The following SETDB2 variants were observed in gnomAD, a reference collection of about 807,000 sequenced individuals.
SETDB2 encodes SET domain bifurcated histone lysine methyltransferase 2, also known as histone-lysine N-methyltransferase SETDB2.
In SETDB2, 56 loss-of-function variants were observed where a neutral mutation model predicts 82.5. That is an observed-to-expected ratio of 0.68 (90% CI 0.55 to 0.85). The LOEUF (loss-of-function observed/expected upper bound fraction) is 0.85. SETDB2 is among the 40% of genes least tolerant of loss of function. The pLI is 0.00. For synonymous variants in SETDB2, 272 were observed against 284.9 expected (o/e 0.95, Z 0.46); for missense variants, 677 against 816.4 (o/e 0.83, Z 2.08).
rs1035213385 is a variant in SETDB2 at position 49,444,776 on chromosome 13, G to T, written c.-423G>T. The T allele has an allele frequency of 3.3e-5, 5 of 152,442 alleles. No homozygotes were observed. The highest frequency in any genetic ancestry group is 1.2e-4 in the African/African-American group (5 of 41,434). 9.4% of individuals were successfully genotyped at this position (152,442 alleles called of 1,614,324 possible). ...CCTAAGCTGCTGGGAACCTGAGGTTGTCAAAGGGGCGGCAGGAAATGGACA... is the reference window on the plus strand; with the variant it reads ...CCTAAGCTGCTGGGAACCTGAGGTTTTCAAAGGGGCGGCAGGAAATGGACA... On this transcript the variant is annotated 5_prime_UTR_variant, in exon 1 of 14. Coordinates refer to ENST00000611815, the MANE Select transcript of SETDB2 (RefSeq NM_001160308.3).
At chr13:49,458,067 A>G (rs1957925885) in intron 2 of SETDB2, among the ~76,000 whole-genome samples, 1 of 152,210 alleles carries the variant, frequency 6.6e-6, no homozygotes, top group Admixed American at 6.5e-5. Context: ...GATTTCAGGC[A>G]CCCTGAGAAA....
chr13:49,464,451 T>C (rs1477337669), intron 4 of SETDB2, among the ~76,000 whole-genome samples: 1 of 152,216 alleles, frequency 6.6e-6, no homozygotes, highest in African/African-American at 2.4e-5. Context: ...AGAGAGAGGC[T>C]TTTAACCTCA....
chr13:49,487,769 A>G (rs770984925), intron 11 of SETDB2, among the ~76,000 whole-genome samples: 1 of 152,262 alleles, frequency 6.6e-6, no homozygotes, highest in Non-Finnish European at 1.5e-5. Context: ...GTCATCTAGT[A>G]AAACACCAAA....
In SETDB2 at chr13:49,485,979, A is replaced by G. The variant is rs904520703; in HGVS notation, c.1576+256A>G. 7.5e-5 allele frequency: 46 copies of G among 614,120 alleles called. No individual in the cohort carries two copies. The East Asian group carries it at 1.3e-3, about 17-fold the overall frequency. The allele number at this position is 614,120 out of a possible 1,614,324, so 38.0% of individuals were successfully genotyped here. ...AGTTGAAAAAAATCAGAAGGTGATA[A>G]TATTTTGACACTTGAAAATTATATG... On this transcript the variant is annotated intron_variant, in intron 11 of 13. Coordinates refer to ENST00000611815, the MANE Select transcript of SETDB2 (RefSeq NM_001160308.3).
chr13:49,467,599 T>C (rs1156347880), intron 4 of SETDB2, among the ~76,000 whole-genome samples: 2 of 152,210 alleles, frequency 1.3e-5, no homozygotes, highest in Admixed American at 1.3e-4. Context: ...ACCTTAAAGA[T>C]TGGTTAAGCT....
intron 3 of SETDB2, among the ~76,000 whole-genome samples, chr13:49,460,475 TATA>T (rs1399748275): frequency 6.6e-6 from 1 of 152,028 alleles, no homozygotes; most frequent in Non-Finnish European, 1.5e-5. Context: ...TATAGAAAAA[TATA>T]ACAAGGAAAA....
chr13:49,470,857 T>TA (rs1477052499), intron 5 of SETDB2, among the ~76,000 whole-genome samples: 2 of 152,056 alleles, frequency 1.3e-5, no homozygotes, highest in African/African-American at 4.8e-5. Context: ...AAAAAGATTA[T>TA]ACAAACTATC....
At position 49,483,449 on chromosome 13, in the gene SETDB2, T is replaced by G. The variant is rs1250952500; in HGVS notation, c.1383-15T>G. ...AATTTTTAGTGATACAGAATAACTT[T>G]TTTTTCCTTTTTAGGGAAACGAAAT... On this transcript the variant is annotated splice_polypyrimidine_tract_variant and intron_variant, in intron 9 of 13. Transcript: ENST00000611815. 8.9e-7 allele frequency: 1 copy of G among 1,126,772 alleles called. No individual in the cohort carries two copies. The highest frequency in any genetic ancestry group is 1.6e-5 in the South Asian group (1 of 64,232). 69.8% of individuals were successfully genotyped at this position (1,126,772 alleles called of 1,614,324 possible).
At position 49,476,653 on chromosome 13, in the gene SETDB2, C is replaced by CCAAAGACGACATG; in HGVS notation, c.491_503dup (p.Asn169ThrfsTer16). ...TGCAGCTGCCAATCAAATGTCACTT[C>CCAAAGACGACATG]CAAAGACGACATGCAAAGACAAACT... On this transcript the variant is annotated frameshift_variant, in exon 6 of 14. Coordinates refer to ENST00000611815, the MANE Select transcript of SETDB2 (RefSeq NM_001160308.3). LOFTEE classifies it high-confidence loss of function. 6.2e-7 allele frequency: 1 copy of CCAAAGACGACATG among 1,614,154 alleles called. No homozygotes were observed. Among genetic ancestry groups the CCAAAGACGACATG allele is most frequent in the Non-Finnish European group, 8.5e-7 (1 of 1,180,038 alleles).
chr13:49,455,309 A>C (rs1957862906), intron 2 of SETDB2, among the ~76,000 whole-genome samples: 1 of 152,182 alleles, frequency 6.6e-6, no homozygotes, highest in Admixed American at 6.5e-5. Context: ...CTCAACAGGT[A>C]GTCATTCCTT....
At position 49,476,608 on chromosome 13, in the gene SETDB2, C is replaced by T. The variant is rs148761249; in HGVS notation, c.438C>T (p.Asn146=). 1.2e-6 allele frequency: 2 copies of T among 1,614,138 alleles called. No individual in the cohort carries two copies. Among genetic ancestry groups the T allele is most frequent in the Non-Finnish European group, 1.7e-6 (2 of 1,180,020 alleles). The change falls in exon 6 of 14, where the codon AAC becomes AAT. Residue 146 remains asparagine (N), a synonymous_variant. Coordinates refer to ENST00000611815, the MANE Select transcript of SETDB2 (RefSeq NM_001160308.3). ...SGACLMKMPL[N]LKGENPLQLP... ...CTTGTCTGATGAAAATGCCACTGAA[C>T]TTGAAGGGAGAAAACCCTCTGCAGC...
chr13:49,472,023 G>A (rs561753958), intron 5 of SETDB2, among the ~76,000 whole-genome samples: 1 of 148,296 alleles, frequency 6.7e-6, no homozygotes, highest in Non-Finnish European at 1.5e-5. Context: ...CTCCCACCTC[G>A]GCCTGCCACA....
At chr13:49,455,446 C>A (rs116277219) in intron 2 of SETDB2, among the ~76,000 whole-genome samples, 1 of 152,018 alleles carries the variant, frequency 6.6e-6, no homozygotes, top group Non-Finnish European at 1.5e-5. Flanking sequence ...ATGTATTGAC[C>A]ACTTGTAAAA....
chr13:49,475,731 T>C (rs1483520453), intron 5 of SETDB2, among the ~76,000 whole-genome samples: 1 of 152,082 alleles, frequency 6.6e-6, no homozygotes, highest in Non-Finnish European at 1.5e-5. Flanking sequence ...CAAGCAGTCC[T>C]TCCGTCTTGG....
intron 10 of SETDB2, among the ~76,000 whole-genome samples, chr13:49,484,287 G>C (rs1270437400): frequency 1.3e-5 from 2 of 152,062 alleles, no homozygotes; most frequent in Non-Finnish European, 2.9e-5. Flanking sequence ...GTTTTGTTTT[G>C]AGATGGAGTT....
chr13:49,461,969 G>A (rs188035006), intron 4 of SETDB2, among the ~76,000 whole-genome samples: 114 of 152,288 alleles, frequency 7.5e-4, no homozygotes, highest in Non-Finnish European at 1.6e-3. Context: ...TATTATAAAG[G>A]ATACAAATGA....
At position 49,483,509 on chromosome 13, in the gene SETDB2, T is replaced by A; in HGVS notation, c.1428T>A (p.Val476=). ...TTTCAAGAATTCAATATCATTCAGT[T>A]ATTAGAGATCCTGAATCCAAGACAG... ...DNISRIQYHS[V]IRDPESKTAI... The change falls in exon 10 of 14, where the codon GTT becomes GTA. Residue 476 remains valine (V), a synonymous_variant. Coordinates refer to ENST00000611815, the MANE Select transcript of SETDB2 (RefSeq NM_001160308.3). 6.7e-7 allele frequency: 1 copy of A among 1,497,634 alleles called. No homozygotes were observed. Among genetic ancestry groups the A allele is most frequent in the Non-Finnish European group, 9.0e-7 (1 of 1,114,162 alleles). 92.8% of individuals were successfully genotyped at this position (1,497,634 alleles called of 1,614,324 possible). A position where few individuals can be genotyped will look rare whatever the true frequency, so the allele number is the denominator to read the frequency against.
rs986168573 is a variant in SETDB2 at position 49,466,066 on chromosome 13, A to G, written c.209-1798A>G. Among the ~76,000 whole-genome samples, 8 of 152,218 alleles carry G rather than the reference A, an allele frequency of 5.3e-5. No homozygotes were observed. The East Asian group carries it at 7.7e-4, about 15-fold the overall frequency. On this transcript the variant is annotated intron_variant, in intron 4 of 13. Coordinates refer to ENST00000611815, the MANE Select transcript of SETDB2 (RefSeq NM_001160308.3). Reference sequence around the variant, plus strand: ...GATTACACTCTAAGTGGGTTGTCCAACATTCTGTTGTAAACAGGTAACAGT... The same window carrying G: ...GATTACACTCTAAGTGGGTTGTCCAGCATTCTGTTGTAAACAGGTAACAGT...
intron 12 of SETDB2, among the ~76,000 whole-genome samples, chr13:49,489,793 A>C (rs1353592203): frequency 2.1e-5 from 3 of 145,756 alleles, no homozygotes; most frequent in African/African-American, 7.6e-5. Context: ...ACACAATTTC[A>C]CCATGTTGGT....
Sources: gnomAD v4.1 joint callset for allele counts (sites outside exome capture counted in the v4.1 genomes callset) on GRCh38, gnomAD v4.1.1 for gene constraint, MANE v1.5 for transcripts, NCBI Gene and HGNC (gene_info 2026-07-23, HGNC 2026-07-21) for gene names.